Variants in KLHDC1 observed in about 807,000 individuals in gnomAD.
The protein encoded by KLHDC1 is kelch domain containing 1.
Under a neutral mutation model 68.3 loss-of-function variants are expected in KLHDC1, and 53 were observed. The observed-to-expected ratio is 0.78, with a 90% CI of 0.62 to 0.98. The LOEUF (loss-of-function observed/expected upper bound fraction) is 0.98. Among genes scored for constraint, KLHDC1 ranks in the 50% least tolerant of loss-of-function variants. The pLI, the probability that KLHDC1 is intolerant of heterozygous loss-of-function variation, is 0.00. For missense variants in KLHDC1, 470 were observed against 492.3 expected, an observed-to-expected ratio of 0.95 and a Z score of 0.43; for synonymous variants, 148 against 159.0, an observed-to-expected ratio of 0.93 and a Z score of 0.52.
intron 4 of KLHDC1, among the ~76,000 whole-genome samples, chr14:49,721,542 T>C (rs1888525375): frequency 6.6e-6 from 1 of 152,142 alleles, no homozygotes; most frequent in African/African-American, 2.4e-5. Flanking sequence ...CCTTTCTTCT[T>C]TTTTAGGTTG....
chr14:49,741,535 G>A lies in KLHDC1; in HGVS notation c.981+1353G>A, dbSNP rs545539649. ...TTGGTCAGGCTGGTCTTGAACTCCT[G>A]ACCTCAAGTGATCCACTCACCTCAG... is the stretch of plus-strand genomic sequence containing the variant. On this transcript the variant is annotated intron_variant, in intron 11 of 12. Coordinates refer to ENST00000359332, the MANE Select transcript of KLHDC1 (RefSeq NM_172193.3). Among the ~76,000 whole-genome samples, 189 of 152,098 alleles carry A rather than the reference G, an allele frequency of 1.2e-3. 1 individual carries two copies. Among genetic ancestry groups the A allele is most frequent in the African/African-American group, 4.2e-3 (174 of 41,502 alleles).
rs1321960851 is a variant in KLHDC1, at chr14:49,753,059, T to G, written c.*1287T>G. 3 of 152,266 alleles carry G rather than the reference T, an allele frequency of 2.0e-5. No individual in the cohort carries two copies. Among genetic ancestry groups the G allele is most frequent in the East Asian group, 3.9e-4 (2 of 5,186 alleles). The allele number at this position is 152,266 out of a possible 1,614,324, so 9.4% of individuals were successfully genotyped here. The stretch of plus-strand genomic sequence containing the variant: ...AAAGCTTCTATGTATTGAAATATTT[T>G]TTTACGTTTTATTTATTGTACAAAG... On this transcript the variant is annotated 3_prime_UTR_variant, in exon 13 of 13. Transcript: ENST00000359332.
intron 1 of KLHDC1, among the ~76,000 whole-genome samples, chr14:49,698,099 G>A (rs764594423): frequency 1.2e-4 from 18 of 152,224 alleles, no homozygotes; most frequent in Non-Finnish European, 2.2e-4. Context: ...TCTGCCACCT[G>A]TAGAGGTGTC....
At chr14:49,730,522 C>T (rs1035014522) in intron 8 of KLHDC1, among the ~76,000 whole-genome samples, 2 of 151,992 alleles carry the variant, frequency 1.3e-5, no homozygotes, top group African/African-American at 4.8e-5. Context: ...GCCCAGCTGA[C>T]ATTTGCAATA....
chr14:49,698,672 C>G (rs959583131), intron 1 of KLHDC1, among the ~76,000 whole-genome samples: 1 of 151,800 alleles, frequency 6.6e-6, no homozygotes, highest in Non-Finnish European at 1.5e-5. Context: ...CATGCCACCA[C>G]GCCCAGCTAG....
Position 49,751,630 on chromosome 14 carries a change from G to C in KLHDC1, c.1079G>C (p.Ser360Thr). 6.3e-7 allele frequency: 1 copy of C among 1,591,010 alleles called. No individual in the cohort carries two copies. The highest frequency in any genetic ancestry group is 8.6e-7 in the Non-Finnish European group (1 of 1,167,530). The change falls in exon 13 of 13, where the codon AGT (serine) becomes ACT (threonine). Residue 360 changes from serine to threonine, a missense_variant. Ser to Thr is a moderately conservative substitution (Grantham distance 58). Coordinates refer to ENST00000359332, the MANE Select transcript of KLHDC1 (RefSeq NM_172193.3). ...GGTAAAAATTCTATCATGTTAGAAA[G>C]TCAGATATCTTTATTACCTCCTAAA... Reference protein sequence around the residue: ...CIGKNSIMLESQISLLPPKLL... With the variant: ...CIGKNSIMLETQISLLPPKLL...
chr14:49,747,136 CAG>C (rs1343765980), intron 12 of KLHDC1, among the ~76,000 whole-genome samples: 2 of 151,942 alleles, frequency 1.3e-5, no homozygotes, highest in African/African-American at 4.8e-5. Context: ...TTAGTAGAGA[CAG>C]GGGTTTCACC....
intron 9 of KLHDC1, 89 bp downstream of exon 9, chr14:49,732,905 T>C (rs897017238): frequency 1.5e-6 from 1 of 674,758 alleles, no homozygotes; most frequent in African/African-American, 1.9e-5. Context: ...AATCTTCCTT[T>C]TTTCCTGTTT....
chr14:49,709,034 A>G, intron 1 of KLHDC1, 125 bp from the exon 2 acceptor site: 1 of 520,072 alleles, frequency 1.9e-6, no homozygotes, highest in Non-Finnish European at 3.4e-6. Flanking sequence ...TTATATTGAA[A>G]AAGATCCTTG....
chr14:49,720,542 T>C (rs556624531), intron 4 of KLHDC1, among the ~76,000 whole-genome samples: 29 of 152,230 alleles, frequency 1.9e-4, no homozygotes, highest in Admixed American at 7.9e-4. Context: ...TAAATATGCA[T>C]TGGTGTGTAG....
intron 1 of KLHDC1, among the ~76,000 whole-genome samples, chr14:49,698,890 G>A (rs914834534): frequency 6.6e-6 from 1 of 151,888 alleles, no homozygotes; most frequent in African/African-American, 2.4e-5. Flanking sequence ...TTCTTGACGA[G>A]CGTGGTGGCT....
intron 10 of KLHDC1, among the ~76,000 whole-genome samples, chr14:49,737,673 T>G (rs1888960875): frequency 6.7e-6 from 1 of 149,682 alleles, no homozygotes; most frequent in Non-Finnish European, 1.5e-5. Context: ...AAGACCAGCC[T>G]GGATAATACA....
chr14:49,712,092 G>C lies in KLHDC1; in HGVS notation c.404+1711G>C, dbSNP rs147954825. On this transcript the variant is annotated intron_variant, in intron 4 of 12. Transcript: ENST00000359332. ...ACCACCATGCCTGGTTAATTTTTTT[G>C]TATTTTTAGTAGAGACTGGGTTTCA... is the stretch of plus-strand genomic sequence containing the variant. Among the ~76,000 whole-genome samples, 30 of 150,806 alleles carry C rather than the reference G, an allele frequency of 2.0e-4. No homozygotes were observed. In the East Asian group the frequency reaches 4.5e-3, roughly 23 times the overall value.
rs1464028490 is a variant in KLHDC1, at chr14:49,709,768, G to C, written c.227G>C (p.Cys76Ser). ...PASMSGSCGACINGKLYIFGG... is the reference protein window; with the variant it reads ...PASMSGSCGASINGKLYIFGG... ...TCCATGTCAGGAAGCTGTGGTGCTT[G>C]CATTAATGGAAAGCTGTACATTTTT... Residue 76 changes from cysteine (C) to serine (S), a missense_variant, in exon 3 of 13, where the codon TGC becomes TCC. Transcript: ENST00000359332. 4 of 1,604,338 alleles carry C rather than the reference G, an allele frequency of 2.5e-6. No homozygotes were observed. Among genetic ancestry groups the C allele is most frequent in the Admixed American group, 1.7e-5 (1 of 58,290 alleles).
At chr14:49,749,031 C>T (rs1033292954) in intron 12 of KLHDC1, among the ~76,000 whole-genome samples, 1 of 151,996 alleles carries the variant, frequency 6.6e-6, no homozygotes, top group Non-Finnish European at 1.5e-5. Flanking sequence ...GAACTCCTGA[C>T]CTCATGATCC....
intron 4 of KLHDC1, among the ~76,000 whole-genome samples, chr14:49,716,674 A>G (rs531201707): frequency 2.0e-5 from 3 of 152,268 alleles, no homozygotes; most frequent in African/African-American, 7.2e-5. Flanking sequence ...ATGAGATACC[A>G]CGCCCGGCTT....
chr14:49,698,491 C>T (rs756139791), intron 1 of KLHDC1, among the ~76,000 whole-genome samples: 8 of 148,926 alleles, frequency 5.4e-5, no homozygotes, highest in South Asian at 2.2e-4. Flanking sequence ...CCTGAGCCAC[C>T]GCGCTCGGCC....
At chr14:49,715,045 TAATA>T (rs1384311271) in intron 4 of KLHDC1, among the ~76,000 whole-genome samples, 1 of 147,646 alleles carries the variant, frequency 6.8e-6, no homozygotes, top group Non-Finnish European at 1.5e-5. Flanking sequence ...CATATATACT[TAATA>T]TATATTATAT....
chr14:49,733,043 T>A lies in KLHDC1; in HGVS notation c.823+227T>A, dbSNP rs78306090. Among the ~76,000 whole-genome samples, 386 of 152,280 alleles carry A rather than the reference T, an allele frequency of 2.5e-3. 3 individuals are homozygous for A. The highest frequency in any genetic ancestry group is 8.8e-3 in the African/African-American group (366 of 41,546). ...AAGAGGAAGGGTGATTGAAGCTAGA[T>A]GAAACAAAGCCCCTTTATACTACTA... On this transcript the variant is annotated intron_variant, in intron 9 of 12. Transcript: ENST00000359332.
Sources: allele counts gnomAD v4.1 joint callset (sites outside exome capture counted in the v4.1 genomes callset), GRCh38; gene constraint gnomAD v4.1.1; transcripts MANE v1.5; gene names NCBI Gene and HGNC (gene_info 2026-07-23, HGNC 2026-07-21).